The following SASH1 variants were observed in gnomAD, a reference collection of about 807,000 sequenced individuals.
SASH1 encodes the protein SAM and SH3 domain-containing protein 1.
SASH1 carries 44 observed loss-of-function variants against 125.2 expected under a neutral mutation model. That is an observed-to-expected ratio of 0.35 (90% CI 0.28 to 0.45). The LOEUF is 0.45. Ranked by LOEUF, SASH1 falls within the 20% of genes least tolerant of loss-of-function variation. The pLI is 1.00. For missense variants in SASH1, 1,426 were observed against 1,614.5 expected (o/e 0.88, Z 2.00); for synonymous variants, 639 against 649.1 (o/e 0.98, Z 0.24).
chr6:148,393,871 T>G, intron 2 of SASH1: 1 of 205,318 alleles, frequency 4.9e-6, no homozygotes, highest in Non-Finnish European at 8.5e-6. Flanking sequence ...ATTGGCATAT[T>G]CAGATTCTCT....
chr6:148,346,975 G>T (rs763385102), intron 1 of SASH1, among the ~76,000 whole-genome samples: 2 of 152,174 alleles, frequency 1.3e-5, no homozygotes, highest in Non-Finnish European at 2.9e-5. Flanking sequence ...AACTGAGTTA[G>T]AATCCTGTGG....
intron 8 of SASH1, among the ~76,000 whole-genome samples, chr6:148,505,816 TTAGTAGAGA>T (rs1779769648): frequency 6.6e-6 from 1 of 151,912 alleles, no homozygotes; most frequent in Non-Finnish European, 1.5e-5. Flanking sequence ...TTCTGTATTT[TTAGTAGAGA>T]CGGGGTTTCA....
At chr6:148,225,335 A>G in the SASH1 span, among the ~76,000 whole-genome samples, 1 of 152,230 alleles carries the variant, frequency 6.6e-6, no homozygotes, top group Non-Finnish European at 1.5e-5. Flanking sequence ...TTACAAATAA[A>G]GATTGAGAGT....
At chr6:148,452,930 C>T (rs1436063251) in intron 4 of SASH1, among the ~76,000 whole-genome samples, 2 of 152,274 alleles carry the variant, frequency 1.3e-5, no homozygotes, top group Non-Finnish European at 2.9e-5. Context: ...AGTAGCAATG[C>T]GCTGAAGCGT....
At chr6:148,223,173 C>T in the SASH1 span, among the ~76,000 whole-genome samples, 1 of 150,818 alleles carries the variant, frequency 6.6e-6, no homozygotes, top group African/African-American at 2.4e-5. Flanking sequence ...GAGAGAGAGC[C>T]GAGCTGTCTG....
At chr6:148,438,087 T>C (rs1776369671) in intron 2 of SASH1, among the ~76,000 whole-genome samples, 1 of 152,208 alleles carries the variant, frequency 6.6e-6, no homozygotes, top group African/African-American at 2.4e-5. Flanking sequence ...CCAGTCACTT[T>C]TGCTGATGGT....
chr6:148,207,526 C>T, the SASH1 span, among the ~76,000 whole-genome samples: 1 of 152,102 alleles, frequency 6.6e-6, no homozygotes, highest in Non-Finnish European at 1.5e-5. Flanking sequence ...GATACTTAAG[C>T]TGTTATTAGT....
the SASH1 span, among the ~76,000 whole-genome samples, chr6:148,235,884 G>A: frequency 2.6e-5 from 4 of 152,098 alleles, no homozygotes; most frequent in Non-Finnish European, 4.4e-5. Flanking sequence ...AAACCTTATC[G>A]TGTCTCTCAC....
At chr6:148,405,499 C>T (rs1784340240) in intron 2 of SASH1, among the ~76,000 whole-genome samples, 1 of 152,118 alleles carries the variant, frequency 6.6e-6, no homozygotes, top group Admixed American at 6.6e-5. Context: ...AGGAACTACC[C>T]TGGCAGTCTG....
At chr6:148,238,213 C>CTTTAT in the SASH1 span, among the ~76,000 whole-genome samples, 1 of 152,082 alleles carries the variant, frequency 6.6e-6, no homozygotes, top group Non-Finnish European at 1.5e-5. Flanking sequence ...ATAGTACTTA[C>CTTTAT]TTTATTTTAT....
In SASH1 at chr6:148,276,571, A is replaced by G. The variant is rs1285469529; in HGVS notation, n.74+4194A>G. ...GTAAGCTAGGATGGAGGAAGAGGGA[A>G]CAAAGTATATGCAAAGGGAAAAGGG... is the stretch of plus-strand genomic sequence containing the variant. On this transcript the variant is annotated intron_variant and non_coding_transcript_variant, in intron 1 of 3. Coordinates refer to the SASH1 transcript ENST00000367469. Among the ~76,000 whole-genome samples, 3 of 152,220 alleles carry G rather than the reference A, an allele frequency of 2.0e-5. No individual in the cohort carries two copies. The East Asian group carries it at 5.8e-4, about 29-fold the overall frequency.
At chr6:148,205,694 C>G in the SASH1 span, among the ~76,000 whole-genome samples, 2 of 152,202 alleles carry the variant, frequency 1.3e-5, no homozygotes, top group African/African-American at 4.8e-5. Context: ...TTCTGACCAA[C>G]AGGTAGTCAT....
At chr6:148,241,869 A>G in the SASH1 span, among the ~76,000 whole-genome samples, 1 of 152,194 alleles carries the variant, frequency 6.6e-6, no homozygotes, top group Admixed American at 6.5e-5. Flanking sequence ...ATACATTTGT[A>G]TCAATTACCT....
rs545246332 is a variant in SASH1 at position 148,394,264 on chromosome 6, C to T, written c.285+4002C>T. On this transcript the variant is annotated intron_variant, in intron 2 of 19. Transcript: ENST00000367467. Reference sequence around the variant, plus strand: ...GGGAAATTCTAAAACTGGCAAGGATCGGGTTTAGGTGCTGGATGTTTCCTG... The same window carrying T: ...GGGAAATTCTAAAACTGGCAAGGATTGGGTTTAGGTGCTGGATGTTTCCTG... 5.3e-5 allele frequency among the ~76,000 whole-genome samples: 8 copies of T among 152,156 alleles called. No homozygotes were observed. The East Asian group carries it at 1.2e-3, about 22-fold the overall frequency.
intron 1 of SASH1, among the ~76,000 whole-genome samples, chr6:148,366,145 C>A (rs1262701365): frequency 6.6e-6 from 1 of 151,800 alleles, no homozygotes; most frequent in African/African-American, 2.4e-5. Flanking sequence ...ATTAGCCAGG[C>A]ATGGTAGCGC....
At chr6:148,368,770 G>GCACGCGCACACACACACACACACA (rs1554245333) in intron 1 of SASH1, among the ~76,000 whole-genome samples, 23 of 135,728 alleles carry the variant, frequency 1.7e-4, no homozygotes, top group South Asian at 5.2e-4. Context: ...GCACGCGCGC[G>GCACGCGCACACACACACACACACA]CACACACACA....
At chr6:148,284,542 C>T (rs1779433909) in intron 1 of SASH1, among the ~76,000 whole-genome samples, 1 of 152,138 alleles carries the variant, frequency 6.6e-6, no homozygotes, top group Admixed American at 6.5e-5. Context: ...GTACCCATTG[C>T]TTTGTTTCCT....
chr6:148,217,753 C>T, the SASH1 span, among the ~76,000 whole-genome samples: 1 of 151,828 alleles, frequency 6.6e-6, no homozygotes, highest in Non-Finnish European at 1.5e-5. Context: ...GCCTATAATC[C>T]CAGCACTTTA....
intron 7 of SASH1, among the ~76,000 whole-genome samples, chr6:148,475,689 G>C (rs1023272733): frequency 2.8e-4 from 42 of 152,128 alleles, no homozygotes; most frequent in African/African-American, 9.9e-4. Context: ...CTGAAACCTT[G>C]AAACAATGGC....
Sources: gnomAD v4.1 joint callset for allele counts (sites outside exome capture counted in the v4.1 genomes callset) on GRCh38, gnomAD v4.1.1 for gene constraint, MANE v1.5 for transcripts, NCBI Gene and HGNC (gene_info 2026-07-23, HGNC 2026-07-21) for gene names.